Variants in PPIP5K2 observed in about 807,000 individuals in gnomAD.
The protein encoded by PPIP5K2 is diphosphoinositol pentakisphosphate kinase 2.
Under a neutral mutation model 154.6 loss-of-function variants are expected in PPIP5K2, and 105 were observed. The observed-to-expected ratio is 0.68, with a 90% CI of 0.58 to 0.80. PPIP5K2 has a LOEUF of 0.80. Among genes scored for constraint, PPIP5K2 ranks in the 30% least tolerant of loss-of-function variants. The probability of loss-of-function intolerance (pLI) is 0.00; values close to 1 mark genes in which losing one functional copy is unlikely to be tolerated. For synonymous variants in PPIP5K2, 480 were observed against 490.3 expected (o/e 0.98, Z 0.28); for missense variants, 992 against 1,504.6 (o/e 0.66, Z 5.64).
At chr5:103,146,418 C>G in intron 5 of PPIP5K2, 109 bp from the exon 6 acceptor site, 1 of 1,150,112 alleles carries the variant, frequency 8.7e-7, no homozygotes, top group Non-Finnish European at 1.2e-6. Context: ...GTACATTATC[C>G]AAGTTTTCTT....
At chr5:103,164,504 A>G (rs145534732) in intron 17 of PPIP5K2, among the ~76,000 whole-genome samples, 1,636 of 152,046 alleles carry the variant, frequency 0.011, 22 homozygotes, top group Non-Finnish European at 0.012. Context: ...TAGGCCGTAT[A>G]TTTTCCTTTA....
chr5:103,176,794 C>T (rs1798784247), intron 21 of PPIP5K2: 2 of 887,058 alleles, frequency 2.3e-6, no homozygotes, highest in Admixed American at 6.2e-5. Flanking sequence ...GAATTTTCTA[C>T]TTTGAATGCT....
intron 5 of PPIP5K2, among the ~76,000 whole-genome samples, chr5:103,141,405 C>T (rs1420311105): frequency 6.6e-6 from 1 of 151,952 alleles, no homozygotes; most frequent in Admixed American, 6.6e-5. Flanking sequence ...GTTGTTCGTT[C>T]CTCCCGGTGG....
rs1056254799 is a variant in PPIP5K2, at chr5:103,130,692, T to A, written c.114+989T>A. ...CTTCTCTTACCAGCTCAAACTTTTC[T>A]TCATCTGAAGTTTTATCTAGAAGTC... On this transcript the variant is annotated intron_variant, in intron 2 of 30. Transcript: ENST00000358359. Among the ~76,000 whole-genome samples the A allele has an allele frequency of 6.6e-5, 10 of 152,274 alleles. No homozygotes were observed. In the East Asian group the frequency reaches 1.9e-3, roughly 29 times the overall value.
Position 103,142,033 on chromosome 5 carries a change from G to A in PPIP5K2, c.487+3564G>A, listed in dbSNP as rs192807390. ...CCTGCCAGTCACGCGCCGTGTGCTC[G>A]CACTCCTCAGCCCTTGGGTGGTCGA... On this transcript the variant is annotated intron_variant, in intron 5 of 30. Transcript: ENST00000358359. Among the ~76,000 whole-genome samples the A allele has an allele frequency of 2.9e-3, 444 of 152,336 alleles. 5 individuals are homozygous for A. Among genetic ancestry groups the A allele is most frequent in the African/African-American group, 0.01 (418 of 41,582 alleles).
chr5:103,160,789 T>A (rs868910052), intron 17 of PPIP5K2, among the ~76,000 whole-genome samples: 4 of 152,132 alleles, frequency 2.6e-5, no homozygotes, highest in Non-Finnish European at 4.4e-5. Context: ...AGTTTTGGAC[T>A]GTTAGGATTA....
Position 103,167,272 on chromosome 5 carries a change from A to T in PPIP5K2, c.2014A>T (p.Ser672Cys). 1 of 1,591,936 alleles carries T rather than the reference A, an allele frequency of 6.3e-7. No individual in the cohort carries two copies. Among genetic ancestry groups the T allele is most frequent in the Non-Finnish European group, 8.6e-7 (1 of 1,169,300 alleles). ...TCDKVYSLIQSLTSQIRHRME... is the reference protein window; with the variant it reads ...TCDKVYSLIQCLTSQIRHRME... ...TGATAAAGTTTATTCCTTAATTCAGAGTTTGACTTCTCAAATCAGACATCG... is the reference window on the plus strand; with the variant it reads ...TGATAAAGTTTATTCCTTAATTCAGTGTTTGACTTCTCAAATCAGACATCG... Residue 672 changes from serine (S) to cysteine (C), a missense_variant, in exon 18 of 31, where the codon AGT becomes TGT. Around this residue, in one of 9 missense-constraint regions of PPIP5K2, gnomAD observed 82 missense variants for 91.8 expected, o/e 0.89. Transcript: ENST00000358359.
rs1803184437 is a variant in PPIP5K2 at position 103,202,654 on chromosome 5, A to G, written c.*1020A>G. On this transcript the variant is annotated 3_prime_UTR_variant, in exon 31 of 31. Transcript: ENST00000358359. Reference sequence around the variant, plus strand: ...TAAATGATTAGATTTTTGAAGGGATATTGAAATCATTGCGCTGTGATTTCA... The same window carrying G: ...TAAATGATTAGATTTTTGAAGGGATGTTGAAATCATTGCGCTGTGATTTCA... The G allele has an allele frequency of 6.6e-6, 1 of 152,202 alleles. No individual in the cohort carries two copies. 9.4% of individuals were successfully genotyped at this position (152,202 alleles called of 1,614,324 possible). A position where few individuals can be genotyped will look rare whatever the true frequency, so the allele number is the denominator to read the frequency against.
rs782614503 is a variant in PPIP5K2, at chr5:103,129,367, T to C, written c.-223T>C. ...ACTTCACTGTCTTTGTATTTTGAAT[T>C]GCAACAACAACTTTGATATCAACAA... On this transcript the variant is annotated 5_prime_UTR_variant, in exon 2 of 31. Transcript: ENST00000358359. 60 of 298,406 alleles carry C rather than the reference T, an allele frequency of 2.0e-4. No individual in the cohort carries two copies. The highest frequency in any genetic ancestry group is 3.0e-4 in the Non-Finnish European group (49 of 161,702). The allele number at this position is 298,406 out of a possible 1,614,324, so 18.5% of individuals were successfully genotyped here. A position where few individuals can be genotyped will look rare whatever the true frequency, so the allele number is the denominator to read the frequency against.
intron 8 of PPIP5K2, among the ~76,000 whole-genome samples, chr5:103,150,901 T>A (rs1212442250): frequency 6.6e-6 from 1 of 151,172 alleles, no homozygotes; most frequent in Non-Finnish European, 1.5e-5. Context: ...AGAGCCAATT[T>A]TTTTTTATCA....
At chr5:103,145,995 A>T (rs1793691449) in intron 5 of PPIP5K2, among the ~76,000 whole-genome samples, 1 of 152,094 alleles carries the variant, frequency 6.6e-6, no homozygotes, top group South Asian at 2.1e-4. Context: ...GGACCACAAA[A>T]ATATATACAA....
intron 17 of PPIP5K2, among the ~76,000 whole-genome samples, chr5:103,162,642 C>T (rs1394320332): frequency 6.6e-6 from 1 of 152,120 alleles, no homozygotes; most frequent in Non-Finnish European, 1.5e-5. Context: ...GAATTACAGG[C>T]ATGAGCCACC....
chr5:103,178,149 A>G (rs1554221609), intron 23 of PPIP5K2, among the ~76,000 whole-genome samples, 169 bp downstream of exon 23: 1 of 152,024 alleles, frequency 6.6e-6, no homozygotes. Flanking sequence ...ACTTTTATGC[A>G]TATTGCAATA....
rs1790240591 is a variant in PPIP5K2 at position 103,129,342 on chromosome 5, A to G, written c.-248A>G. 1 of 247,484 alleles carries G rather than the reference A, an allele frequency of 4.0e-6. No homozygotes were observed. Among genetic ancestry groups the G allele is most frequent in the African/African-American group, 2.2e-5 (1 of 44,764 alleles). The allele number at this position is 247,484 out of a possible 1,614,324, so 15.3% of individuals were successfully genotyped here. On this transcript the variant is annotated 5_prime_UTR_variant, in exon 2 of 31. Coordinates refer to ENST00000358359, the MANE Select transcript of PPIP5K2 (RefSeq NM_001276277.3). The stretch of plus-strand genomic sequence containing the variant: ...GCTGTATCAACTCAAGAAAGCAGTA[A>G]CTTCACTGTCTTTGTATTTTGAATT...
At position 103,129,375 on chromosome 5, in the gene PPIP5K2, C is replaced by T. The variant is rs954402316; in HGVS notation, c.-215C>T. ...GTCTTTGTATTTTGAATTGCAACAA[C>T]AACTTTGATATCAACAATGAAGCAA... On this transcript the variant is annotated 5_prime_UTR_variant, in exon 2 of 31. Coordinates refer to ENST00000358359, the MANE Select transcript of PPIP5K2 (RefSeq NM_001276277.3). The T allele has an allele frequency of 2.9e-5, 9 of 313,882 alleles. No individual in the cohort carries two copies. Among genetic ancestry groups the T allele is most frequent in the Non-Finnish European group, 4.7e-5 (8 of 171,748 alleles). 19.4% of individuals were successfully genotyped at this position (313,882 alleles called of 1,614,324 possible). A position where few individuals can be genotyped will look rare whatever the true frequency, so the allele number is the denominator to read the frequency against.
Position 103,181,136 on chromosome 5 carries a change from A to G in PPIP5K2, c.2922+948A>G, listed in dbSNP as rs1799471088. Among the ~76,000 whole-genome samples, 6 of 152,172 alleles carry G rather than the reference A, an allele frequency of 3.9e-5. No homozygotes were observed. In the South Asian group the frequency reaches 1.0e-3, roughly 26 times the overall value. On this transcript the variant is annotated intron_variant, in intron 24 of 30. Transcript: ENST00000358359. Reference sequence around the variant, plus strand: ...AGTTAGAATGAAGCTTGTTAAATAAAGCTTTAGCACCTGTATACATTTTTA... The same window carrying G: ...AGTTAGAATGAAGCTTGTTAAATAAGGCTTTAGCACCTGTATACATTTTTA...
intron 17 of PPIP5K2, among the ~76,000 whole-genome samples, chr5:103,162,206 TC>T (rs2149634470): frequency 6.6e-6 from 1 of 152,286 alleles, no homozygotes; most frequent in South Asian, 2.1e-4. Context: ...AAGTCTCTTG[TC>T]CTTTTTCTGT....
rs372481841 is a variant in PPIP5K2 at position 103,133,658 on chromosome 5, G to C, written c.310+10G>C. ...TCTTTCCATTCTAAAGGTATTAAGG[G>C]GAGTGGGGGAGAAACTCCTTTATCC... On this transcript the variant is annotated intron_variant, in intron 3 of 30. Coordinates refer to ENST00000358359, the MANE Select transcript of PPIP5K2 (RefSeq NM_001276277.3). 6.4e-7 allele frequency: 1 copy of C among 1,554,512 alleles called. No individual in the cohort carries two copies. Among genetic ancestry groups the C allele is most frequent in the Non-Finnish European group, 8.7e-7 (1 of 1,154,448 alleles).
At chr5:103,196,769 C>T (rs1802142239) in intron 30 of PPIP5K2, among the ~76,000 whole-genome samples, 1 of 152,018 alleles carries the variant, frequency 6.6e-6, no homozygotes, top group Non-Finnish European at 1.5e-5. Context: ...GTCAACCTTG[C>T]ATCCTTAGGA....
Sources: allele counts gnomAD v4.1 joint callset (sites outside exome capture counted in the v4.1 genomes callset), GRCh38; gene constraint gnomAD v4.1.1; regional missense constraint gnomAD v4.1.1; transcripts MANE v1.5; gene names NCBI Gene and HGNC (gene_info 2026-07-23, HGNC 2026-07-21).